The following RABGAP1L variants were observed in gnomAD, a reference collection of about 807,000 sequenced individuals.
RABGAP1L encodes rab GTPase-activating protein 1-like.
A neutral mutation model predicts 137.7 loss-of-function variants in RABGAP1L; 63 were observed. The ratio of observed to expected loss-of-function variants is 0.46; its 90% CI spans 0.37 to 0.56. The LOEUF (loss-of-function observed/expected upper bound fraction) is 0.56. Ranked by LOEUF, RABGAP1L falls within the 20% of genes least tolerant of loss-of-function variation. The pLI is 0.00. For synonymous variants in RABGAP1L, 431 were observed against 433.7 expected, an observed-to-expected ratio of 0.99 and a Z score of 0.08; for missense variants, 1,095 against 1,244.0, an observed-to-expected ratio of 0.88 and a Z score of 1.80.
At chr1:174,552,073 A>T (rs1193188147) in intron 13 of RABGAP1L, among the ~76,000 whole-genome samples, 1 of 152,194 alleles carries the variant, frequency 6.6e-6, no homozygotes, top group Non-Finnish European at 1.5e-5. Flanking sequence ...CTTCTTTTTT[A>T]AAAAAGATAT....
Position 174,711,145 on chromosome 1 carries a change from C to T in RABGAP1L, c.2169+8889C>T, listed in dbSNP as rs555672143. Among the ~76,000 whole-genome samples, 9 of 152,240 alleles carry T rather than the reference C, an allele frequency of 5.9e-5. No homozygotes were observed. In the South Asian group the frequency reaches 1.2e-3, roughly 21 times the overall value. Reference sequence around the variant, plus strand: ...TGGCCGCTGTGAGTGCGGGGCCTGCCGAGCCCACGCCCACCCGGAACTCAC... The same window carrying T: ...TGGCCGCTGTGAGTGCGGGGCCTGCTGAGCCCACGCCCACCCGGAACTCAC... On this transcript the variant is annotated intron_variant, in intron 17 of 25. Coordinates refer to ENST00000681986, the MANE Select transcript of RABGAP1L (RefSeq NM_001366446.1).
chr1:174,617,776 A>C (rs1220903990), intron 13 of RABGAP1L, among the ~76,000 whole-genome samples: 1 of 152,216 alleles, frequency 6.6e-6, no homozygotes. Flanking sequence ...GCTCCAGTCT[A>C]CATCTCCCAG....
chr1:174,853,609 T>G (rs1648758923), intron 19 of RABGAP1L, among the ~76,000 whole-genome samples: 1 of 152,168 alleles, frequency 6.6e-6, no homozygotes, highest in Non-Finnish European at 1.5e-5. Context: ...CGCACACCTG[T>G]AGTCCCAGCT....
intron 13 of RABGAP1L, among the ~76,000 whole-genome samples, chr1:174,451,274 A>G (rs1183077358): frequency 6.6e-6 from 1 of 152,232 alleles, no homozygotes; most frequent in African/African-American, 2.4e-5. Context: ...TCTAAATTAT[A>G]CATATTATTT....
chr1:174,299,925 GAC>G (rs1429476291), intron 10 of RABGAP1L, among the ~76,000 whole-genome samples: 1 of 152,116 alleles, frequency 6.6e-6, no homozygotes, highest in Non-Finnish European at 1.5e-5. Flanking sequence ...ATTAAAATAA[GAC>G]AACAATTGTC....
intron 4 of RABGAP1L, among the ~76,000 whole-genome samples, chr1:174,237,818 G>C (rs1021024122): frequency 9.3e-5 from 14 of 149,962 alleles, no homozygotes; most frequent in Admixed American, 5.3e-4. Flanking sequence ...ACGTTGGCCT[G>C]CCTTACTAGA....
rs568549516 is a variant in RABGAP1L at position 174,992,563 on chromosome 1, C to T, written c.*2562C>T. On this transcript the variant is annotated 3_prime_UTR_variant, in exon 26 of 26. Coordinates refer to ENST00000681986, the MANE Select transcript of RABGAP1L (RefSeq NM_001366446.1). Reference sequence around the variant, plus strand: ...TTTTTTTTTTTTTTATTCTCCAGCCCCATATCATACTTGGGTATGCCTGTT... The same window carrying T: ...TTTTTTTTTTTTTTATTCTCCAGCCTCATATCATACTTGGGTATGCCTGTT... The T allele has an allele frequency of 2.6e-5, 4 of 151,816 alleles. No homozygotes were observed. 9.4% of individuals were successfully genotyped at this position (151,816 alleles called of 1,614,324 possible). A position where few individuals can be genotyped will look rare whatever the true frequency, so the allele number is the denominator to read the frequency against.
intron 13 of RABGAP1L, among the ~76,000 whole-genome samples, chr1:174,426,503 A>C (rs1432838701): frequency 6.6e-6 from 1 of 152,092 alleles, no homozygotes; most frequent in Non-Finnish European, 1.5e-5. Context: ...AAACTGATAA[A>C]ATATTGGGGA....
chr1:174,721,205 G>A (rs933614555), intron 17 of RABGAP1L, among the ~76,000 whole-genome samples: 6 of 152,238 alleles, frequency 3.9e-5, no homozygotes, highest in African/African-American at 1.2e-4. Flanking sequence ...TGTCCCATAT[G>A]AGAGTTATCA....
At chr1:174,826,156 G>A (rs935639054) in intron 19 of RABGAP1L, among the ~76,000 whole-genome samples, 1 of 152,190 alleles carries the variant, frequency 6.6e-6, no homozygotes, top group East Asian at 1.9e-4. Context: ...TTGGTTTTCT[G>A]TTTGTGCATT....
At chr1:174,301,877 G>GA (rs1385971827) in intron 10 of RABGAP1L, among the ~76,000 whole-genome samples, 1 of 152,238 alleles carries the variant, frequency 6.6e-6, no homozygotes, top group Non-Finnish European at 1.5e-5. Flanking sequence ...TCAATCAGAG[G>GA]AAAGTGTGCC....
At chr1:174,401,010 C>G (rs1451784242) in intron 13 of RABGAP1L, among the ~76,000 whole-genome samples, 3 of 151,956 alleles carry the variant, frequency 2.0e-5, no homozygotes, top group African/African-American at 4.8e-5. Context: ...GGATGAGATT[C>G]AAGTGAAAAT....
At chr1:174,810,698 A>G (rs1157668884) in intron 18 of RABGAP1L, among the ~76,000 whole-genome samples, 3 of 152,158 alleles carry the variant, frequency 2.0e-5, no homozygotes, top group Non-Finnish European at 2.9e-5. Context: ...TAAATCTATA[A>G]TATGTATCAC....
intron 13 of RABGAP1L, among the ~76,000 whole-genome samples, chr1:174,574,525 C>T (rs768640446): frequency 6.6e-6 from 1 of 152,044 alleles, no homozygotes; most frequent in Non-Finnish European, 1.5e-5. Flanking sequence ...AAGATTGAAG[C>T]TTTAAACAGA....
At position 174,614,488 on chromosome 1, in the gene RABGAP1L, T is replaced by G. The variant is rs559741456; in HGVS notation, c.1711-22887T>G. Among the ~76,000 whole-genome samples the G allele has an allele frequency of 3.3e-5, 5 of 152,338 alleles. No individual in the cohort carries two copies. The South Asian group carries it at 1.0e-3, about 32-fold the overall frequency. On this transcript the variant is annotated intron_variant, in intron 13 of 25. Transcript: ENST00000681986. ...GCTTCCCTTTGTGGGTAACCCAACC[T>G]TCCTCTCTGGCTGCCCTTAACATTT...
chr1:174,457,993 T>C (rs546592323), intron 13 of RABGAP1L, among the ~76,000 whole-genome samples: 1 of 152,294 alleles, frequency 6.6e-6, no homozygotes, highest in Non-Finnish European at 1.5e-5. Context: ...TAAGTATTTA[T>C]CAGGTTGCTA....
At chr1:174,285,262 C>A (rs1675953258) in intron 10 of RABGAP1L, among the ~76,000 whole-genome samples, 1 of 152,152 alleles carries the variant, frequency 6.6e-6, no homozygotes, top group African/African-American at 2.4e-5. Context: ...GGTGATCTGC[C>A]TGCCTTGGCC....
intron 10 of RABGAP1L, among the ~76,000 whole-genome samples, chr1:174,287,739 C>G (rs1286992403): frequency 6.6e-6 from 1 of 152,100 alleles, no homozygotes; most frequent in Admixed American, 6.5e-5. Context: ...GTAATCTGCC[C>G]GCCTCAGCCT....
intron 13 of RABGAP1L, among the ~76,000 whole-genome samples, chr1:174,589,713 G>A (rs77504601): frequency 0.023 from 3,445 of 152,280 alleles, 62 homozygotes; most frequent in Middle Eastern, 0.085. Context: ...TTATTGAAGA[G>A]ACTCTCCTTT....
Sources: allele counts gnomAD v4.1 joint callset (sites outside exome capture counted in the v4.1 genomes callset), GRCh38; gene constraint gnomAD v4.1.1; transcripts MANE v1.5; gene names NCBI Gene and HGNC (gene_info 2026-07-23, HGNC 2026-07-21).